Variants in ARHGAP18 observed in about 807,000 individuals in gnomAD.
The protein encoded by ARHGAP18 is rho GTPase-activating protein 18.
A neutral mutation model predicts 86.2 loss-of-function variants in ARHGAP18; 67 were observed. The observed-to-expected ratio is 0.78, with a 90% CI of 0.64 to 0.95. ARHGAP18 has a LOEUF of 0.95. Among genes scored for constraint, ARHGAP18 ranks in the 40% least tolerant of loss-of-function variants. The probability of loss-of-function intolerance (pLI) is 0.00; values close to 1 mark genes in which losing one functional copy is unlikely to be tolerated. For missense variants in ARHGAP18, 691 were observed against 780.4 expected (o/e 0.89, Z 1.37); for synonymous variants, 283 against 280.4 (o/e 1.01, Z -0.09).
At chr6:129,653,630 A>T (rs1421309207) in intron 1 of ARHGAP18, among the ~76,000 whole-genome samples, 3 of 152,242 alleles carry the variant, frequency 2.0e-5, no homozygotes. Context: ...ATACTACTAC[A>T]AAACAATCTT....
rs59994849 is a variant in ARHGAP18, at chr6:129,655,932, C to T, written c.114-13914G>A. ...ATGGTTTTAAAAAGAACTTCACCCACATAATATACATTTTCCATTTCAAGT... is the reference window on the plus strand; with the variant it reads ...ATGGTTTTAAAAAGAACTTCACCCATATAATATACATTTTCCATTTCAAGT... On this transcript the variant is annotated intron_variant, in intron 1 of 14. Transcript: ENST00000368149. Among the ~76,000 whole-genome samples, 1,205 of 152,248 alleles carry T rather than the reference C, an allele frequency of 7.9e-3. 13 individuals carry two copies. The highest frequency in any genetic ancestry group is 0.028 in the African/African-American group (1,169 of 41,530).
intron 12 of ARHGAP18, among the ~76,000 whole-genome samples, chr6:129,597,295 C>G (rs887190238): frequency 1.3e-5 from 2 of 151,976 alleles, no homozygotes; most frequent in Admixed American, 6.6e-5. Context: ...GCTACCACGT[C>G]CAGCCAATTT....
intron 12 of ARHGAP18, among the ~76,000 whole-genome samples, chr6:129,589,074 G>A (rs1358923802): frequency 6.6e-6 from 1 of 152,170 alleles, no homozygotes; most frequent in Non-Finnish European, 1.5e-5. Flanking sequence ...CTCTGTGATG[G>A]GAAGGGCTGC....
chr6:129,683,066 T>G (rs749541627), intron 1 of ARHGAP18, among the ~76,000 whole-genome samples: 10 of 148,250 alleles, frequency 6.7e-5, no homozygotes, highest in East Asian at 3.9e-4. Flanking sequence ...TTTTTTTTTT[T>G]TTGTTTTTTT....
chr6:129,608,896 T>TTC (rs1185604295), intron 8 of ARHGAP18, among the ~76,000 whole-genome samples: 1 of 152,054 alleles, frequency 6.6e-6, no homozygotes, highest in East Asian at 1.9e-4. Flanking sequence ...ACAACAACCA[T>TTC]TCTCTACCCC....
At chr6:129,677,627 A>G (rs937255905) in intron 1 of ARHGAP18, among the ~76,000 whole-genome samples, 3 of 151,994 alleles carry the variant, frequency 2.0e-5, no homozygotes, top group Non-Finnish European at 4.4e-5. Context: ...TATTCAACAA[A>G]CTCCAGGAAA....
At chr6:129,690,053 C>G (rs1291697342) in intron 1 of ARHGAP18, among the ~76,000 whole-genome samples, 1 of 152,070 alleles carries the variant, frequency 6.6e-6, no homozygotes, top group Admixed American at 6.6e-5. Flanking sequence ...CATATAAGCA[C>G]TTTGGCCAAA....
chr6:129,668,687 G>C (rs115417406), intron 1 of ARHGAP18, among the ~76,000 whole-genome samples: 3 of 151,952 alleles, frequency 2.0e-5, no homozygotes, highest in African/African-American at 7.3e-5. Context: ...TGCCTGTACC[G>C]TCCCCTTCTG....
At chr6:129,653,414 C>G (rs1158773964) in intron 1 of ARHGAP18, among the ~76,000 whole-genome samples, 2 of 152,150 alleles carry the variant, frequency 1.3e-5, no homozygotes. Flanking sequence ...AAATCAACTT[C>G]AAACATTACA....
intron 1 of ARHGAP18, among the ~76,000 whole-genome samples, chr6:129,686,442 G>A (rs890325412): frequency 2.6e-5 from 4 of 152,128 alleles, no homozygotes; most frequent in Non-Finnish European, 5.9e-5. Context: ...CCAATCAGAG[G>A]AGCCTCCAGC....
At chr6:129,587,235 T>G (rs974969483) in intron 12 of ARHGAP18, among the ~76,000 whole-genome samples, 3 of 152,140 alleles carry the variant, frequency 2.0e-5, no homozygotes, top group Non-Finnish European at 2.9e-5. Context: ...TTAAGGTGCC[T>G]CTATCCACCA....
chr6:129,696,670 A>G (rs910019023), intron 1 of ARHGAP18, among the ~76,000 whole-genome samples: 3 of 152,224 alleles, frequency 2.0e-5, no homozygotes, highest in African/African-American at 4.8e-5. Flanking sequence ...TATGTTCGTG[A>G]TGAACGAAAA....
In ARHGAP18 at chr6:129,628,147, C is replaced by T. The variant is rs978714223; in HGVS notation, c.786+1206G>A. ...TTAGAAAATGCAAGATATTCAGTAGCAATGAGAACATTCACTACACAGAGC... is the reference window on the plus strand; with the variant it reads ...TTAGAAAATGCAAGATATTCAGTAGTAATGAGAACATTCACTACACAGAGC... On this transcript the variant is annotated intron_variant, in intron 5 of 14. Transcript: ENST00000368149. Among the ~76,000 whole-genome samples, 6 of 152,050 alleles carry T rather than the reference C, an allele frequency of 3.9e-5. No individual in the cohort carries two copies. The South Asian group carries it at 8.3e-4, about 21-fold the overall frequency.
intron 1 of ARHGAP18, among the ~76,000 whole-genome samples, chr6:129,686,547 A>G (rs2114542350): frequency 6.6e-6 from 1 of 152,356 alleles, no homozygotes; most frequent in African/African-American, 2.4e-5. Flanking sequence ...TTGGCTCCTC[A>G]CAGGGCACCG....
intron 5 of ARHGAP18, among the ~76,000 whole-genome samples, chr6:129,625,858 TTA>T (rs1293099395): frequency 3.3e-5 from 1 of 29,872 alleles, no homozygotes. Flanking sequence ...TATATTATAT[TTA>T]TATATTATAT....
intron 1 of ARHGAP18, among the ~76,000 whole-genome samples, chr6:129,648,626 T>C (rs922538319): frequency 5.9e-5 from 9 of 151,984 alleles, no homozygotes; most frequent in East Asian, 3.9e-4. Flanking sequence ...AAAAAAATTG[T>C]GTCATGCTGG....
chr6:129,620,186 T>C (rs1268040813), intron 5 of ARHGAP18, among the ~76,000 whole-genome samples: 1 of 152,196 alleles, frequency 6.6e-6, no homozygotes, highest in Non-Finnish European at 1.5e-5. Flanking sequence ...AAACACAAAA[T>C]TCATTTATGT....
At chr6:129,696,787 G>A (rs1774624193) in intron 1 of ARHGAP18, among the ~76,000 whole-genome samples, 1 of 152,176 alleles carries the variant, frequency 6.6e-6, no homozygotes, top group Non-Finnish European at 1.5e-5. Context: ...CCAGGGTAAG[G>A]GGATTCTGTA....
chr6:129,625,965 ATATATTATATATATT>A (rs1562698756), intron 5 of ARHGAP18, among the ~76,000 whole-genome samples: 7 of 105,834 alleles, frequency 6.6e-5, no homozygotes, highest in South Asian at 2.5e-4. Flanking sequence ...TTATATATTT[ATATATTATATATATT>A]TATATTATAT....
Sources: gnomAD v4.1 joint callset for allele counts (sites outside exome capture counted in the v4.1 genomes callset) on GRCh38, gnomAD v4.1.1 for gene constraint, MANE v1.5 for transcripts, NCBI Gene and HGNC (gene_info 2026-07-23, HGNC 2026-07-21) for gene names.